The following TTC12 variants were observed in gnomAD, a reference collection of about 807,000 sequenced individuals.
TTC12 encodes the protein tetratricopeptide repeat domain 12.
A neutral mutation model predicts 90.1 loss-of-function variants in TTC12; 70 were observed. The ratio of observed to expected loss-of-function variants is 0.78; its 90% CI spans 0.64 to 0.95. The LOEUF (loss-of-function observed/expected upper bound fraction) is 0.95, where lower values mean the gene tolerates loss of function less well. Among genes scored for constraint, TTC12 ranks in the 40% least tolerant of loss-of-function variants. The pLI is 0.00. For missense variants in TTC12, 819 were observed against 846.1 expected, an observed-to-expected ratio of 0.97 and a Z score of 0.40; for synonymous variants, 296 against 311.5, an observed-to-expected ratio of 0.95 and a Z score of 0.53.
At chr11:113,349,450 A>T (rs935081281) in intron 13 of TTC12, among the ~76,000 whole-genome samples, 1 of 152,138 alleles carries the variant, frequency 6.6e-6, no homozygotes, top group Non-Finnish European at 1.5e-5. Context: ...CTGAGATTTC[A>T]TCAGGTGTTT....
intron 14 of TTC12, among the ~76,000 whole-genome samples, chr11:113,350,702 T>A (rs1242620367): frequency 6.6e-6 from 1 of 152,252 alleles, no homozygotes; most frequent in Non-Finnish European, 1.5e-5. Context: ...TGCTTTTTTT[T>A]AAAGTGCATC....
chr11:113,344,376 C>A lies in TTC12; in HGVS notation c.1090C>A (p.Leu364Met). 1 of 1,614,196 alleles carries A rather than the reference C, an allele frequency of 6.2e-7. No individual in the cohort carries two copies. Among genetic ancestry groups the A allele is most frequent in the Non-Finnish European group, 8.5e-7 (1 of 1,180,030 alleles). The change falls in exon 13 of 22, where the codon CTG (leucine) becomes ATG (methionine). Residue 364 changes from leucine (L) to methionine (M), a missense_variant. By Grantham distance (15) the Leu-to-Met change is conservative (BLOSUM62 2). Coordinates refer to ENST00000529221, the MANE Select transcript of TTC12 (RefSeq NM_017868.4). ...LAIRQQSFAL[L>M]LHLAQTESGR... is the part of the protein sequence containing the mutation. ...CATCCGGCAGCAGAGCTTTGCCCTG[C>A]TGCTGCATCTCGCCCAGACTGAGAG...
chr11:113,326,987 G>C (rs1555141275), intron 6 of TTC12, among the ~76,000 whole-genome samples: 1 of 152,188 alleles, frequency 6.6e-6, no homozygotes, highest in Non-Finnish European at 1.5e-5. Context: ...AATAATTATA[G>C]TTCCTTCTTA....
chr11:113,341,875 T>C lies in TTC12; in HGVS notation c.935T>C (p.Met312Thr), dbSNP rs782019133. The change falls in exon 12 of 22, where the codon ATG becomes ACG. Residue 312 changes from methionine to threonine, a missense_variant. Coordinates refer to ENST00000529221, the MANE Select transcript of TTC12 (RefSeq NM_017868.4). Reference sequence around the variant, plus strand: ...GCAGGAAATGATGCAGTTGAAGAAATGGTCTGTGTGTCTGTTCTCAAGCTC... The same window carrying C: ...GCAGGAAATGATGCAGTTGAAGAAACGGTCTGTGTGTCTGTTCTCAAGCTC... Reference protein sequence around the residue: ...STAGNDAVEEMVCVSVLKLWQ... With the variant: ...STAGNDAVEETVCVSVLKLWQ... The C allele has an allele frequency of 1.2e-6, 2 of 1,614,148 alleles. No individual in the cohort carries two copies. Among genetic ancestry groups the C allele is most frequent in the East Asian group, 2.2e-5 (1 of 44,874 alleles).
intron 4 of TTC12, 94 bp downstream of exon 4, chr11:113,324,109 A>G (rs1402864613): frequency 9.8e-6 from 10 of 1,023,720 alleles, no homozygotes; most frequent in Non-Finnish European, 1.5e-5. Context: ...ATTGCCTTTG[A>G]GCTTACAAAC....
chr11:113,351,713 C>T (rs577791117), intron 15 of TTC12, among the ~76,000 whole-genome samples: 2 of 152,268 alleles, frequency 1.3e-5, no homozygotes, highest in Admixed American at 1.3e-4. Flanking sequence ...GAGTGTGTTG[C>T]AACTGGAGCC....
chr11:113,355,419 G>A (rs1353707083), intron 16 of TTC12, among the ~76,000 whole-genome samples: 1 of 151,882 alleles, frequency 6.6e-6, no homozygotes, highest in South Asian at 2.1e-4. Flanking sequence ...AGGATTTATT[G>A]ATCTTTTGAA....
intron 14 of TTC12, among the ~76,000 whole-genome samples, chr11:113,350,775 A>T (rs1289523755): frequency 6.6e-6 from 1 of 152,256 alleles, no homozygotes; most frequent in Non-Finnish European, 1.5e-5. Context: ...ATAGGATGAG[A>T]GAGCTCACAG....
chr11:113,337,135 CT>C (rs1459869217), intron 8 of TTC12, among the ~76,000 whole-genome samples: 2 of 152,170 alleles, frequency 1.3e-5, no homozygotes, highest in Non-Finnish European at 2.9e-5. Flanking sequence ...AAATGTTAAT[CT>C]TTCCCTGTCC....
At chr11:113,347,333 A>T (rs374166818) in intron 13 of TTC12, among the ~76,000 whole-genome samples, 1 of 152,146 alleles carries the variant, frequency 6.6e-6, no homozygotes, top group African/African-American at 2.4e-5. Flanking sequence ...CTCAGCATAG[A>T]TGTCCTCTGC....
chr11:113,339,265 T>C (rs1948550084), intron 9 of TTC12, 21 bp from the exon 10 acceptor site: 2 of 1,582,476 alleles, frequency 1.3e-6, no homozygotes, highest in Admixed American at 1.9e-5. Flanking sequence ...TTTGTTTTGC[T>C]TTCCTTTCTT....
chr11:113,367,136 G>A (rs1264651382), downstream of TTC12, among the ~76,000 whole-genome samples: 1 of 152,226 alleles, frequency 6.6e-6, no homozygotes, highest in African/African-American at 2.4e-5. Context: ...AAGTCCCTAA[G>A]TGAGAAGTCC....
chr11:113,332,060 T>C (rs1023010457), intron 7 of TTC12, among the ~76,000 whole-genome samples: 49 of 152,368 alleles, frequency 3.2e-4, no homozygotes, highest in African/African-American at 1.1e-3. Flanking sequence ...TTGGACACTT[T>C]TAAATTGGTA....
chr11:113,371,815 T>C (rs1295402872), intron 21 of TTC12, among the ~76,000 whole-genome samples: 1 of 152,178 alleles, frequency 6.6e-6, no homozygotes, highest in Non-Finnish European at 1.5e-5. Flanking sequence ...TCGATTGCCT[T>C]GTCTGTAAAA....
chr11:113,327,383 C>A (rs1450984338), intron 6 of TTC12, among the ~76,000 whole-genome samples: 1 of 151,966 alleles, frequency 6.6e-6, no homozygotes, highest in Non-Finnish European at 1.5e-5. Flanking sequence ...AAAATGCTTC[C>A]CCTGTATGCA....
chr11:113,359,900 A>G (rs782320163), intron 17 of TTC12, 40 bp from the exon 18 acceptor site: 31 of 1,519,670 alleles, frequency 2.0e-5, no homozygotes, highest in Non-Finnish European at 2.2e-5. Flanking sequence ...AGATTGTCAG[A>G]AAATTAAAAT....
chr11:113,368,315 C>G (rs1310572161), downstream of TTC12: 1 of 1,543,354 alleles, frequency 6.5e-7, no homozygotes, highest in Non-Finnish European at 8.7e-7. Flanking sequence ...GATCCACCCC[C>G]GCCACCGCCC....
intron 6 of TTC12, among the ~76,000 whole-genome samples, chr11:113,328,369 C>T (rs1400794543): frequency 6.6e-6 from 1 of 152,184 alleles, no homozygotes; most frequent in Non-Finnish European, 1.5e-5. Flanking sequence ...TTATATTCCT[C>T]TAGTCCTTAG....
chr11:113,362,916 G>T (rs1471652737), intron 19 of TTC12, among the ~76,000 whole-genome samples: 2 of 152,206 alleles, frequency 1.3e-5, no homozygotes, highest in Non-Finnish European at 2.9e-5. Flanking sequence ...GAGACATGTA[G>T]CCTGCAGAAT....
Sources: allele counts gnomAD v4.1 joint callset (sites outside exome capture counted in the v4.1 genomes callset), GRCh38; gene constraint gnomAD v4.1.1; transcripts MANE v1.5; gene names NCBI Gene and HGNC (gene_info 2026-07-23, HGNC 2026-07-21).